ADAMTSL3: variants seen among roughly 807,000 people sequenced by gnomAD.
ADAMTSL3 encodes the protein ADAMTS like 3, also known as ADAMTS-like protein 3.
A neutral mutation model predicts 201.7 loss-of-function variants in ADAMTSL3; 128 were observed. That is an observed-to-expected ratio of 0.63 (90% CI 0.55 to 0.73). ADAMTSL3 has a LOEUF of 0.73. ADAMTSL3 is among the 30% of genes least tolerant of loss of function. ADAMTSL3 has a pLI of 0.00. For missense variants in ADAMTSL3, 1,990 were observed against 2,119.6 expected, an observed-to-expected ratio of 0.94 and a Z score of 1.20; for synonymous variants, 738 against 748.4, an observed-to-expected ratio of 0.99 and a Z score of 0.23.
chr15:84,022,359 G>C (rs2068220142), intron 26 of ADAMTSL3, among the ~76,000 whole-genome samples: 1 of 152,078 alleles, frequency 6.6e-6, no homozygotes, highest in Non-Finnish European at 1.5e-5. Context: ...AGTTTCATTA[G>C]GTTTCTACCT....
intron 2 of ADAMTSL3, among the ~76,000 whole-genome samples, chr15:83,701,624 C>G (rs1348025391): frequency 6.6e-6 from 1 of 152,184 alleles, no homozygotes; most frequent in African/African-American, 2.4e-5. Context: ...ATAAGTCTCA[C>G]AAGATCTGAT....
rs1337101096 is a variant in ADAMTSL3, at chr15:83,773,555, A to G, written c.222A>G (p.Lys74=). The G allele has an allele frequency of 6.2e-7, 1 of 1,614,072 alleles. No homozygotes were observed. Among genetic ancestry groups the G allele is most frequent in the Admixed American group, 1.7e-5 (1 of 60,020 alleles). Residue 74 remains lysine (K), a synonymous_variant, in exon 4 of 30, where the codon AAA becomes AAG. Transcript: ENST00000286744. The part of the protein sequence containing the change: ...TSRNTRSDED[K]DGNWDAWGDW... ...GAAACACTCGTTCAGATGAAGACAA[A>G]GATGGCAACTGGGATGCTTGGGGCG...
chr15:83,903,611 T>C (rs1824387354), intron 15 of ADAMTSL3, among the ~76,000 whole-genome samples: 1 of 104,790 alleles, frequency 9.5e-6, no homozygotes, highest in Non-Finnish European at 1.8e-5. Flanking sequence ...CTGTTTACTT[T>C]ATTGAATTAG....
In ADAMTSL3 at chr15:83,695,854, T is replaced by C. The variant is rs533368430; in HGVS notation, c.70-8535T>C. On this transcript the variant is annotated intron_variant, in intron 2 of 29. Coordinates refer to ENST00000286744, the MANE Select transcript of ADAMTSL3 (RefSeq NM_207517.3). ...CCGCATTCTACTTGAAAAACCAAAA[T>C]GATCTGGAAGGTTTATTTTTTAACT... 2.6e-5 allele frequency among the ~76,000 whole-genome samples: 4 copies of C among 152,182 alleles called. No homozygotes were observed. The South Asian group carries it at 8.3e-4, about 32-fold the overall frequency.
At chr15:83,997,480 T>C (rs574158950) in intron 23 of ADAMTSL3, among the ~76,000 whole-genome samples, 5 of 152,200 alleles carry the variant, frequency 3.3e-5, no homozygotes, top group Non-Finnish European at 7.4e-5. Flanking sequence ...TCCCAGCTAC[T>C]TGGGAGGCTG....
chr15:83,910,147 A>G (rs1425571890), intron 15 of ADAMTSL3, among the ~76,000 whole-genome samples: 1 of 152,184 alleles, frequency 6.6e-6, no homozygotes, highest in Non-Finnish European at 1.5e-5. Context: ...TATGTTTCAC[A>G]GTTGGTTTCC....
chr15:83,913,236 C>T lies in ADAMTSL3; in HGVS notation c.1845C>T (p.Pro615=). 1 of 1,614,116 alleles carries T rather than the reference C, an allele frequency of 6.2e-7. No individual in the cohort carries two copies. Among genetic ancestry groups the T allele is most frequent in the Non-Finnish European group, 8.5e-7 (1 of 1,180,022 alleles). The part of the protein sequence containing the change: ...PEEECEGPKL[P]TERPCLLEAC... ...AAGAGTGTGAAGGCCCCAAGCTGCC[C>T]ACCGAACGGCCCTGCCTCCTGGAAG... The change falls in exon 16 of 30, where the codon CCC becomes CCT. Residue 615 remains proline, a synonymous_variant. Transcript: ENST00000286744.
chr15:83,990,235 G>C (rs889695564), intron 22 of ADAMTSL3, among the ~76,000 whole-genome samples: 1 of 152,102 alleles, frequency 6.6e-6, no homozygotes, highest in African/African-American at 2.4e-5. Context: ...AACAAGAATC[G>C]TGGCCTCCTA....
At chr15:83,831,636 C>T (rs2064159169) in intron 6 of ADAMTSL3, among the ~76,000 whole-genome samples, 2 of 152,170 alleles carry the variant, frequency 1.3e-5, no homozygotes, top group Admixed American at 1.3e-4. Context: ...TCAAGTGATT[C>T]TCCCATCTCA....
At chr15:83,785,872 C>T (rs957062906) in intron 4 of ADAMTSL3, among the ~76,000 whole-genome samples, 1 of 151,420 alleles carries the variant, frequency 6.6e-6, no homozygotes, top group African/African-American at 2.4e-5. Flanking sequence ...TTGAGACAGT[C>T]TCACTCTGTC....
chr15:83,927,429 A>G (rs946525872), intron 17 of ADAMTSL3, among the ~76,000 whole-genome samples: 7 of 152,094 alleles, frequency 4.6e-5, no homozygotes, highest in African/African-American at 4.8e-5. Context: ...ATCCTTTTCT[A>G]TGTACTGTTT....
intron 8 of ADAMTSL3, among the ~76,000 whole-genome samples, chr15:83,865,362 A>G (rs1453832282): frequency 2.0e-5 from 3 of 152,216 alleles, no homozygotes; most frequent in Non-Finnish European, 4.4e-5. Context: ...ACTTCAAGCT[A>G]TACTACAAGG....
chr15:83,851,267 C>T (rs1328599595), intron 7 of ADAMTSL3, among the ~76,000 whole-genome samples: 1 of 152,138 alleles, frequency 6.6e-6, no homozygotes, highest in Non-Finnish European at 1.5e-5. Flanking sequence ...CTTAGCTTTG[C>T]CTGGGTGCTC....
intron 7 of ADAMTSL3, among the ~76,000 whole-genome samples, chr15:83,842,909 C>A (rs1320827872): frequency 4.6e-5 from 7 of 152,168 alleles, no homozygotes; most frequent in Admixed American, 3.3e-4. Flanking sequence ...CTCGTTTTGT[C>A]AGGGTCCAAG....
intron 27 of ADAMTSL3, among the ~76,000 whole-genome samples, chr15:84,030,728 C>T (rs768608667): frequency 9.9e-5 from 15 of 152,184 alleles, no homozygotes; most frequent in South Asian, 2.1e-4. Context: ...GGAGGGGCCA[C>T]GGGCAGAATG....
intron 20 of ADAMTSL3, among the ~76,000 whole-genome samples, chr15:83,971,873 C>CAT (rs10601362): frequency 1.1e-3 from 160 of 146,460 alleles, no homozygotes; most frequent in South Asian, 1.9e-3. Flanking sequence ...GAGAGGAAAA[C>CAT]ATATATATAT....
At chr15:83,885,030 C>G in intron 9 of ADAMTSL3, 71 bp from the exon 10 acceptor site, 1 of 996,022 alleles carries the variant, frequency 1.0e-6, no homozygotes, top group Non-Finnish European at 1.5e-6. Flanking sequence ...GAACATTTAT[C>G]TTATTTTGAA....
At chr15:83,885,828 G>T (rs1166140879) in intron 10 of ADAMTSL3, among the ~76,000 whole-genome samples, 1 of 151,898 alleles carries the variant, frequency 6.6e-6, no homozygotes, top group African/African-American at 2.4e-5. Context: ...AGGTTTAAGC[G>T]ATTCTCATGC....
intron 3 of ADAMTSL3, among the ~76,000 whole-genome samples, chr15:83,746,497 G>A (rs892721665): frequency 1.3e-5 from 2 of 152,030 alleles, no homozygotes; most frequent in African/African-American, 4.8e-5. Context: ...GAAAATGTTC[G>A]TATTTAAATA....
Sources: gnomAD v4.1 joint callset for allele counts (sites outside exome capture counted in the v4.1 genomes callset) on GRCh38, gnomAD v4.1.1 for gene constraint, MANE v1.5 for transcripts, NCBI Gene and HGNC (gene_info 2026-07-23, HGNC 2026-07-21) for gene names.